Variants in SMAD9 observed in about 807,000 individuals in gnomAD.
SMAD9 encodes SMAD family member 9, also known as MAD homolog 9.
Under a neutral mutation model 46.1 loss-of-function variants are expected in SMAD9, and 36 were observed. The observed-to-expected ratio is 0.78, with a 90% CI of 0.60 to 1.03. SMAD9 has a LOEUF of 1.03. Among genes scored for constraint, SMAD9 ranks in the 50% least tolerant of loss-of-function variants. The pLI, the probability that SMAD9 is intolerant of heterozygous loss-of-function variation, is 0.00. For synonymous variants in SMAD9, 245 were observed against 237.1 expected (o/e 1.03, Z -0.31); for missense variants, 572 against 599.8 (o/e 0.95, Z 0.48).
intron 1 of SMAD9, among the ~76,000 whole-genome samples, chr13:36,884,678 T>C (rs1029720182): frequency 6.6e-6 from 1 of 152,156 alleles, no homozygotes; most frequent in African/African-American, 2.4e-5. Context: ...AAGTTGACGG[T>C]TTTAAATCCA....
At chr13:36,902,278 G>A (rs2058582744) in intron 1 of SMAD9, among the ~76,000 whole-genome samples, 4 of 152,028 alleles carry the variant, frequency 2.6e-5, no homozygotes, top group Admixed American at 2.6e-4. Context: ...TCCATTGAAT[G>A]GTCTTGAAAT....
At chr13:36,885,365 G>A (rs1484003055) in intron 1 of SMAD9, among the ~76,000 whole-genome samples, 1 of 151,512 alleles carries the variant, frequency 6.6e-6, no homozygotes, top group East Asian at 1.9e-4. Context: ...TACAACTTGA[G>A]AAGAAACTGG....
chr13:36,848,934 T>A, intron 6 of SMAD9, 115 bp from the exon 7 acceptor site: 1 of 960,268 alleles, frequency 1.0e-6, no homozygotes, highest in Non-Finnish European at 1.6e-6. Flanking sequence ...TCCTGAGACC[T>A]GAGAGGGAGA....
intron 1 of SMAD9, among the ~76,000 whole-genome samples, chr13:36,918,896 G>T (rs1300184490): frequency 1.3e-5 from 2 of 152,156 alleles, no homozygotes; most frequent in South Asian, 2.1e-4. Flanking sequence ...TGCTTAGGAG[G>T]CAGCATTATT....
In SMAD9 at chr13:36,872,890, T is replaced by A. The variant is rs747651316; in HGVS notation, c.438A>T (p.Arg146Ser). The change falls in exon 3 of 7, where the codon AGA becomes AGT. Residue 146 changes from arginine to serine, a missense_variant. Physicochemically the swap from Arg to Ser is moderately radical, Grantham distance 110. Transcript: ENST00000379826. ...TPVLPPVLVP[R>S]HSEYNPQLSL... is the part of the protein sequence containing the mutation. The stretch of plus-strand genomic sequence containing the variant: ...TGAGCTGGGGGTTATATTCACTGTG[T>A]CTTGGCACGAGCACAGGAGGCAGTA... 6.2e-7 allele frequency: 1 copy of A among 1,614,112 alleles called. No individual in the cohort carries two copies. Among genetic ancestry groups the A allele is most frequent in the Non-Finnish European group, 8.5e-7 (1 of 1,180,012 alleles).
intron 1 of SMAD9, among the ~76,000 whole-genome samples, chr13:36,883,627 T>C (rs1335365054): frequency 1.3e-5 from 2 of 152,110 alleles, no homozygotes; most frequent in East Asian, 1.9e-4. Context: ...GGCGGGTACA[T>C]GTAGTCCCAG....
chr13:36,866,346 G>GA (rs71198437), intron 4 of SMAD9, among the ~76,000 whole-genome samples: 20,359 of 143,606 alleles, frequency 0.14, 1,925 homozygotes, highest in East Asian at 0.38. Flanking sequence ...GTTATGCATG[G>GA]AAAAAAAAAA....
At chr13:36,862,652 C>T (rs1474519377) in intron 5 of SMAD9, among the ~76,000 whole-genome samples, 2 of 152,198 alleles carry the variant, frequency 1.3e-5, no homozygotes, top group African/African-American at 2.4e-5. Context: ...GCTGCTCTGC[C>T]TGTGGAGTAG....
intron 1 of SMAD9, among the ~76,000 whole-genome samples, chr13:36,903,972 T>C (rs1451997224): frequency 6.6e-6 from 1 of 152,172 alleles, no homozygotes; most frequent in African/African-American, 2.4e-5. Context: ...CAATGTAAAA[T>C]ATTTAAAATA....
intron 5 of SMAD9, among the ~76,000 whole-genome samples, chr13:36,860,040 G>A (rs746858876): frequency 5.9e-5 from 9 of 151,992 alleles, no homozygotes; most frequent in Admixed American, 1.3e-4. Flanking sequence ...CTTTGTCCAT[G>A]GAGCAGCCAT....
intron 6 of SMAD9, chr13:36,852,068 A>G: frequency 2.1e-6 from 2 of 969,644 alleles, no homozygotes; most frequent in Non-Finnish European, 2.5e-6. Context: ...ATATAACTTT[A>G]TAATATATGC....
At chr13:36,898,122 T>C (rs1243994581) in intron 1 of SMAD9, among the ~76,000 whole-genome samples, 1 of 152,032 alleles carries the variant, frequency 6.6e-6, no homozygotes, top group Non-Finnish European at 1.5e-5. Flanking sequence ...CCTCCCAAAG[T>C]GCTGGGATTA....
In SMAD9 at chr13:36,846,576, A is replaced by C. The variant is rs2058039933; in HGVS notation, c.*2100T>G. On this transcript the variant is annotated 3_prime_UTR_variant, in exon 7 of 7. Coordinates refer to ENST00000379826, the MANE Select transcript of SMAD9 (RefSeq NM_001127217.3). ...GATCTCTGGAGCAAAAACTGTGTTG[A>C]AGTTCTCCCATGGAATGGTTCCCAT... 1 of 151,950 alleles carries C rather than the reference A, an allele frequency of 6.6e-6. No homozygotes were observed. Among genetic ancestry groups the C allele is most frequent in the Non-Finnish European group, 1.5e-5 (1 of 67,970 alleles). 9.4% of individuals were successfully genotyped at this position (151,950 alleles called of 1,614,324 possible). A position where few individuals can be genotyped will look rare whatever the true frequency, so the allele number is the denominator to read the frequency against.
chr13:36,872,728 G>A lies in SMAD9; in HGVS notation c.600C>T (p.Ser200=), dbSNP rs1187193602. 6 of 1,614,076 alleles carry A rather than the reference G, an allele frequency of 3.7e-6. No individual in the cohort carries two copies. In the South Asian group the frequency reaches 6.6e-5, roughly 18 times the overall value. Residue 200 remains serine, a synonymous_variant, in exon 3 of 7, where the codon TCC becomes TCT. Transcript: ENST00000379826. ...AGTGAGGGTAGCTGGCCGTGCACGGGGACTGGGAGAACGCGTGGCTGGGTG... is the reference window on the plus strand; with the variant it reads ...AGTGAGGGTAGCTGGCCGTGCACGGAGACTGGGAGAACGCGTGGCTGGGTG... ...PPSPSHAFSQ[S]PCTASYPHSP...
At chr13:36,868,252 T>C (rs191921990) in intron 3 of SMAD9, among the ~76,000 whole-genome samples, 7 of 152,346 alleles carry the variant, frequency 4.6e-5, no homozygotes, top group Non-Finnish European at 7.3e-5. Context: ...AGGTCAGTGG[T>C]TGAATGTAGC....
chr13:36,900,337 G>A (rs1348995432), intron 1 of SMAD9, among the ~76,000 whole-genome samples: 5 of 151,514 alleles, frequency 3.3e-5, no homozygotes, highest in South Asian at 2.1e-4. Context: ...CTGGAGTGCC[G>A]TGGCGTGATC....
rs12872774 is a variant in SMAD9, at chr13:36,904,383, G to A, written c.-187+15733C>T. On this transcript the variant is annotated intron_variant, in intron 1 of 6. Transcript: ENST00000379826. The stretch of plus-strand genomic sequence containing the variant: ...CTAAAATTGCACGGCGCTGGGATTT[G>A]CCAGGTGCGAATCGCTCTATCCAAG... Among the ~76,000 whole-genome samples the A allele has an allele frequency of 7.1e-3, 1,086 of 152,272 alleles. 6 individuals are homozygous for A. Among genetic ancestry groups the A allele is most frequent in the South Asian group, 0.014 (68 of 4,822 alleles).
intron 2 of SMAD9, among the ~76,000 whole-genome samples, chr13:36,876,423 T>C (rs559914514): frequency 6.6e-6 from 1 of 152,214 alleles, no homozygotes; most frequent in Non-Finnish European, 1.5e-5. Flanking sequence ...GTCTGAGGAC[T>C]GGGGACCCTT....
intron 6 of SMAD9, chr13:36,852,565 A>G: frequency 1.0e-6 from 1 of 984,518 alleles, no homozygotes; most frequent in East Asian, 1.1e-4. Context: ...CATCAACAGA[A>G]CATATACTGC....
Sources: allele counts gnomAD v4.1 joint callset (sites outside exome capture counted in the v4.1 genomes callset), GRCh38; gene constraint gnomAD v4.1.1; transcripts MANE v1.5; gene names NCBI Gene and HGNC (gene_info 2026-07-23, HGNC 2026-07-21).